The following CLEC16A variants were observed in gnomAD, a reference collection of about 807,000 sequenced individuals.
CLEC16A encodes C-type lectin domain containing 16A, also known as protein CLEC16A.
CLEC16A carries 51 observed loss-of-function variants against 109.5 expected under a neutral mutation model. That is an observed-to-expected ratio of 0.47 (90% confidence interval 0.37 to 0.59). The LOEUF (loss-of-function observed/expected upper bound fraction) is 0.59. Among genes scored for constraint, CLEC16A ranks in the 20% least tolerant of loss-of-function variants. The pLI is 0.00. For missense variants in CLEC16A, 1,339 were observed against 1,394.0 expected (o/e 0.96, Z 0.63); for synonymous variants, 673 against 564.2 (o/e 1.19, Z -2.73).
At chr16:11,161,030 G>A (rs1348879118) in intron 22 of CLEC16A, among the ~76,000 whole-genome samples, 1 of 152,176 alleles carries the variant, frequency 6.6e-6, no homozygotes, top group East Asian at 1.9e-4. Context: ...CAACCGAAAG[G>A]GAGAATGGTT....
In CLEC16A at chr16:11,130,184, T is replaced by C. The variant is rs977645651; in HGVS notation, c.2641+4038T>C. 2.6e-5 allele frequency among the ~76,000 whole-genome samples: 4 copies of C among 152,338 alleles called. No individual in the cohort carries two copies. The South Asian group carries it at 6.2e-4, about 24-fold the overall frequency. Reference sequence around the variant, plus strand: ...CTGCGTGGGAACCTTCTGTGCTGTTTACCCTGCATCTCAGCGCCTAGCTCT... The same window carrying C: ...CTGCGTGGGAACCTTCTGTGCTGTTCACCCTGCATCTCAGCGCCTAGCTCT... On this transcript the variant is annotated intron_variant, in intron 22 of 23. Transcript: ENST00000409790.
At chr16:11,127,417 G>A (rs2052901104) in intron 22 of CLEC16A, among the ~76,000 whole-genome samples, 1 of 152,164 alleles carries the variant, frequency 6.6e-6, no homozygotes, top group Admixed American at 6.5e-5. Context: ...TTGTGTAATT[G>A]TGCAAATTTC....
intron 19 of CLEC16A, among the ~76,000 whole-genome samples, chr16:11,115,917 A>G (rs919550920): frequency 2.0e-5 from 3 of 151,400 alleles, no homozygotes; most frequent in Admixed American, 1.3e-4. Flanking sequence ...AGGTCTCACT[A>G]TGTTGCCCAG....
chr16:11,118,242 C>G (rs2052149344), intron 19 of CLEC16A, among the ~76,000 whole-genome samples: 1 of 152,226 alleles, frequency 6.6e-6, no homozygotes, highest in African/African-American at 2.4e-5. Flanking sequence ...GCACAAACCA[C>G]TGCACCCAGC....
chr16:11,145,402 A>G (rs912936907), intron 22 of CLEC16A, among the ~76,000 whole-genome samples: 7 of 152,286 alleles, frequency 4.6e-5, no homozygotes, highest in Middle Eastern at 3.4e-3. Context: ...ACCAAAGCCA[A>G]TGTCATCCGC....
At chr16:10,952,353 G>A (rs1298193753) in intron 1 of CLEC16A, among the ~76,000 whole-genome samples, 1 of 152,194 alleles carries the variant, frequency 6.6e-6, no homozygotes, top group Non-Finnish European at 1.5e-5. Flanking sequence ...AATTAGCTGG[G>A]CATGGTGGCC....
chr16:11,122,896 CTTTTTT>C (rs1002354410), intron 20 of CLEC16A, among the ~76,000 whole-genome samples: 2 of 73,772 alleles, frequency 2.7e-5, no homozygotes, highest in African/African-American at 5.8e-5. Flanking sequence ...CTATCCCTTT[CTTTTTT>C]TTTTTTTTTT....
At chr16:10,977,116 C>T (rs16957855) in intron 7 of CLEC16A, 109 bp from the exon 8 acceptor site, 132,652 of 1,033,366 alleles carry the variant, frequency 0.13, 8,605 homozygotes, top group South Asian at 0.15. Flanking sequence ...TTGAGACTAA[C>T]TCAAATATGT....
chr16:11,117,974 T>A (rs1353970629), intron 19 of CLEC16A, among the ~76,000 whole-genome samples: 2 of 151,030 alleles, frequency 1.3e-5, no homozygotes, highest in South Asian at 2.1e-4. Flanking sequence ...TTTCTTTTTC[T>A]TTTCTTTTCT....
chr16:10,955,085 T>C (rs1439571547), intron 1 of CLEC16A, among the ~76,000 whole-genome samples: 1 of 151,960 alleles, frequency 6.6e-6, no homozygotes, highest in Non-Finnish European at 1.5e-5. Flanking sequence ...TGCAGAGAGG[T>C]GAAGCGCCTT....
intron 19 of CLEC16A, among the ~76,000 whole-genome samples, chr16:11,070,008 C>T (rs1480385078): frequency 4.6e-5 from 7 of 151,958 alleles, no homozygotes; most frequent in South Asian, 2.1e-4. Context: ...TATGGAGGGA[C>T]GACTGTATTG....
intron 22 of CLEC16A, among the ~76,000 whole-genome samples, chr16:11,132,206 A>G (rs2053252491): frequency 6.6e-6 from 1 of 150,666 alleles, no homozygotes; most frequent in African/African-American, 2.4e-5. Flanking sequence ...AGAAAACCCC[A>G]TAGCCATTAA....
intron 10 of CLEC16A, among the ~76,000 whole-genome samples, chr16:10,984,601 A>G (rs749745981): frequency 2.0e-5 from 3 of 152,228 alleles, no homozygotes; most frequent in East Asian, 1.9e-4. Context: ...GCTTTGGCCT[A>G]GAGGTGACAG....
intron 19 of CLEC16A, among the ~76,000 whole-genome samples, chr16:11,117,207 G>A (rs1212362461): frequency 2.6e-5 from 4 of 152,084 alleles, no homozygotes; most frequent in African/African-American, 9.7e-5. Context: ...TTGAAAAACT[G>A]TTGGGTACTA....
intron 22 of CLEC16A, among the ~76,000 whole-genome samples, chr16:11,130,611 C>A (rs998571279): frequency 2.0e-5 from 3 of 152,198 alleles, no homozygotes; most frequent in Non-Finnish European, 4.4e-5. Flanking sequence ...TCATCAGAAA[C>A]CTGGCCCAGG....
In CLEC16A at chr16:11,029,270, C is replaced by G. The variant is rs749261687; in HGVS notation, c.1537+4349C>G. Among the ~76,000 whole-genome samples, 10 of 152,204 alleles carry G rather than the reference C, an allele frequency of 6.6e-5. No homozygotes were observed. In the East Asian group the frequency reaches 1.3e-3, roughly 20 times the overall value. On this transcript the variant is annotated intron_variant, in intron 13 of 23. Transcript: ENST00000409790. ...GGTGGTCTCTCCACACTGGCCCCCC[C>G]AGTGTGAGCTCCAGGAATTGTTCCA...
At chr16:10,969,857 T>C (rs1319739214) in intron 4 of CLEC16A, among the ~76,000 whole-genome samples, 1 of 152,148 alleles carries the variant, frequency 6.6e-6, no homozygotes, top group East Asian at 1.9e-4. Flanking sequence ...ATCTGAGAAA[T>C]GGGGATAAGA....
intron 19 of CLEC16A, among the ~76,000 whole-genome samples, chr16:11,092,200 C>T (rs1331962423): frequency 6.6e-6 from 1 of 152,076 alleles, no homozygotes; most frequent in African/African-American, 2.4e-5. Context: ...AAAAACTAGC[C>T]ACGTGTGGTG....
At chr16:10,970,348 T>G (rs1182408009) in intron 4 of CLEC16A, among the ~76,000 whole-genome samples, 1 of 152,216 alleles carries the variant, frequency 6.6e-6, no homozygotes, top group Non-Finnish European at 1.5e-5. Flanking sequence ...TCCCCTCATG[T>G]TTCCCTGCAT....
Sources: allele counts gnomAD v4.1 joint callset (sites outside exome capture counted in the v4.1 genomes callset), GRCh38; gene constraint gnomAD v4.1.1; transcripts MANE v1.5; gene names NCBI Gene and HGNC (gene_info 2026-07-23, HGNC 2026-07-21).